The following MARCHF1 variants were observed in gnomAD, a reference collection of about 807,000 sequenced individuals.
MARCHF1 encodes the protein E3 ubiquitin-protein ligase MARCHF1.
In MARCHF1, 40 loss-of-function variants were observed where a neutral mutation model predicts 54.2. The ratio of observed to expected loss-of-function variants is 0.74; its 90% CI spans 0.57 to 0.96. The LOEUF is 0.96. Among genes scored for constraint, MARCHF1 ranks in the 40% least tolerant of loss-of-function variants. The probability of loss-of-function intolerance (pLI) is 0.00; values close to 1 mark genes in which losing one functional copy is unlikely to be tolerated. For missense variants in MARCHF1, 586 were observed against 656.5 expected (o/e 0.89, Z 1.17); for synonymous variants, 236 against 236.3 (o/e 1.00, Z 0.01).
intron 1 of MARCHF1, among the ~76,000 whole-genome samples, chr4:164,351,290 G>A (rs1578887758): frequency 6.6e-6 from 1 of 150,866 alleles, no homozygotes; most frequent in Non-Finnish European, 1.5e-5. Context: ...TGCCTCTGTA[G>A]GCTCCACCTC....
At chr4:164,106,167 G>A (rs1755692847) in intron 2 of MARCHF1, among the ~76,000 whole-genome samples, 1 of 147,498 alleles carries the variant, frequency 6.8e-6, no homozygotes, top group Non-Finnish European at 1.5e-5. Flanking sequence ...CACTGTTGGT[G>A]GGAATGTAAA....
At chr4:163,647,504 T>C (rs1202717459) in intron 5 of MARCHF1, among the ~76,000 whole-genome samples, 2 of 152,000 alleles carry the variant, frequency 1.3e-5, no homozygotes, top group Non-Finnish European at 2.9e-5. Context: ...CGATAAATCA[T>C]ACAGCAGGCC....
intron 1 of MARCHF1, among the ~76,000 whole-genome samples, chr4:164,333,605 C>T (rs537410604): frequency 1.3e-5 from 2 of 152,232 alleles, no homozygotes; most frequent in South Asian, 4.2e-4. Flanking sequence ...CTGACTATTC[C>T]TCCAACTCCG....
intron 1 of MARCHF1, among the ~76,000 whole-genome samples, chr4:164,228,227 G>A (rs1240866972): frequency 1.3e-5 from 2 of 152,114 alleles, no homozygotes; most frequent in Non-Finnish European, 2.9e-5. Context: ...TAAGGTTAGA[G>A]GTACAAACTT....
intron 4 of MARCHF1, among the ~76,000 whole-genome samples, chr4:163,743,577 CTT>C (rs34675962): frequency 8.4e-4 from 103 of 122,614 alleles, no homozygotes; most frequent in Admixed American, 9.9e-4. Context: ...GATACACCAT[CTT>C]TTTTTTTTTT....
intron 4 of MARCHF1, among the ~76,000 whole-genome samples, chr4:163,753,597 T>C (rs527679229): frequency 1.3e-5 from 2 of 152,250 alleles, no homozygotes; most frequent in East Asian, 3.9e-4. Flanking sequence ...GCCTTACTAG[T>C]TCATTAATAT....
At chr4:164,324,010 C>G (rs1028525025) in intron 1 of MARCHF1, among the ~76,000 whole-genome samples, 1 of 151,644 alleles carries the variant, frequency 6.6e-6, no homozygotes, top group African/African-American at 2.4e-5. Context: ...ATGCCAAAAC[C>G]TAATAAAGAT....
chr4:164,226,261 A>G (rs577108760), intron 1 of MARCHF1, among the ~76,000 whole-genome samples: 2 of 152,264 alleles, frequency 1.3e-5, no homozygotes, highest in African/African-American at 4.8e-5. Flanking sequence ...CAGAAAATAA[A>G]TAAATGTAAT....
At chr4:164,177,804 G>GACACACACAC (rs1180105275) in intron 1 of MARCHF1, among the ~76,000 whole-genome samples, 1 of 48,836 alleles carries the variant, frequency 2.0e-5, no homozygotes, top group African/African-American at 5.4e-5. Flanking sequence ...GTGTATGAAA[G>GACACACACAC]AGACACACAC....
chr4:163,816,205 G>A (rs776784812), intron 4 of MARCHF1, among the ~76,000 whole-genome samples: 3 of 152,144 alleles, frequency 2.0e-5, no homozygotes, highest in Admixed American at 6.6e-5. Context: ...AAACTGCTGC[G>A]AAGGCATTGA....
intron 3 of MARCHF1, among the ~76,000 whole-genome samples, chr4:163,938,204 A>G (rs1751842168): frequency 1.3e-5 from 2 of 152,208 alleles, no homozygotes; most frequent in Admixed American, 1.3e-4. Flanking sequence ...TGGTCTTAGG[A>G]AATGTTATGT....
At chr4:164,256,062 G>C (rs1168306334) in intron 1 of MARCHF1, among the ~76,000 whole-genome samples, 1 of 151,930 alleles carries the variant, frequency 6.6e-6, no homozygotes, top group African/African-American at 2.4e-5. Context: ...AGGCCAAGGT[G>C]GGAGGATTGC....
At chr4:163,603,973 A>G (rs1485467788) in intron 7 of MARCHF1, among the ~76,000 whole-genome samples, 1 of 151,574 alleles carries the variant, frequency 6.6e-6, no homozygotes, top group East Asian at 1.9e-4. Context: ...CACTTTTTAT[A>G]CTCTCCCTTT....
intron 1 of MARCHF1, among the ~76,000 whole-genome samples, chr4:164,149,180 C>G (rs975818771): frequency 6.6e-6 from 1 of 152,186 alleles, no homozygotes; most frequent in Non-Finnish European, 1.5e-5. Flanking sequence ...TTTCCTGATG[C>G]CTCATCAGAA....
rs980322620 is a variant in MARCHF1, at chr4:163,951,992, C to T, written c.-39+36509G>A. ...TTTTTCATTTTGTGATATAACTTAG[C>T]ATTATAAAGAAGAGAACATTTCTTA... On this transcript the variant is annotated intron_variant, in intron 3 of 9. Coordinates refer to ENST00000514618, the MANE Select transcript of MARCHF1 (RefSeq NM_001394959.1). Among the ~76,000 whole-genome samples, 6 of 152,062 alleles carry T rather than the reference C, an allele frequency of 3.9e-5. 1 individual carries two copies. Among genetic ancestry groups the T allele is most frequent in the Admixed American group, 2.6e-4 (4 of 15,262 alleles).
chr4:164,179,802 A>T (rs1246690875), intron 1 of MARCHF1, among the ~76,000 whole-genome samples: 1 of 151,768 alleles, frequency 6.6e-6, no homozygotes, highest in Admixed American at 6.6e-5. Context: ...GCATAAAAAC[A>T]ATTAGATGAT....
At chr4:163,635,929 G>C (rs1047963723) in intron 5 of MARCHF1, among the ~76,000 whole-genome samples, 4 of 152,188 alleles carry the variant, frequency 2.6e-5, no homozygotes, top group Non-Finnish European at 5.9e-5. Flanking sequence ...GGGATGCAAG[G>C]TTGGTTCAAT....
intron 2 of MARCHF1, among the ~76,000 whole-genome samples, chr4:164,006,990 GAAAAAAAAAAAAAAAAAAAAAAAAA>G (rs57195057): frequency 1.2e-3 from 28 of 23,192 alleles, no homozygotes; most frequent in Non-Finnish European, 1.5e-3. Flanking sequence ...TCTGAAATCT[GAAAAAAAAAAAAAAAAAAAAAAAAA>G]AAAAAAAAAA....
chr4:163,635,393 A>C (rs1241948912), intron 5 of MARCHF1, among the ~76,000 whole-genome samples: 2 of 151,606 alleles, frequency 1.3e-5, no homozygotes, highest in East Asian at 3.9e-4. Context: ...TAGATGCAAT[A>C]AAAAATGATA....
Sources: gnomAD v4.1 joint callset for allele counts (sites outside exome capture counted in the v4.1 genomes callset) on GRCh38, gnomAD v4.1.1 for gene constraint, MANE v1.5 for transcripts, NCBI Gene and HGNC (gene_info 2026-07-23, HGNC 2026-07-21) for gene names.